Variants in CTNNA2 observed in about 807,000 individuals in gnomAD.
CTNNA2 encodes the protein catenin alpha-2.
In CTNNA2, 42 loss-of-function variants were observed where a neutral mutation model predicts 101.0. The ratio of observed to expected loss-of-function variants is 0.42; its 90% CI spans 0.32 to 0.54. The LOEUF (loss-of-function observed/expected upper bound fraction) is 0.54, where lower values mean the gene tolerates loss of function less well. Ranked by LOEUF, CTNNA2 falls within the 20% of genes least tolerant of loss-of-function variation. The pLI is 0.14. For missense variants in CTNNA2, 871 were observed against 1,223.1 expected, an observed-to-expected ratio of 0.71 and a Z score of 4.29; for synonymous variants, 450 against 456.4, an observed-to-expected ratio of 0.99 and a Z score of 0.18.
At chr2:80,478,663 C>T (rs965727281) in intron 9 of CTNNA2, among the ~76,000 whole-genome samples, 4 of 151,980 alleles carry the variant, frequency 2.6e-5, no homozygotes, top group Admixed American at 1.3e-4. Context: ...TTCTTGTATG[C>T]TTTGTTAAGG....
chr2:79,650,455 G>T (rs922973835), intron 1 of CTNNA2, among the ~76,000 whole-genome samples: 1 of 151,766 alleles, frequency 6.6e-6, no homozygotes, highest in African/African-American at 2.4e-5. Context: ...ATATTCTCAG[G>T]GGTCAGTTAT....
At chr2:80,502,916 C>T (rs1687986858) in intron 9 of CTNNA2, among the ~76,000 whole-genome samples, 1 of 152,184 alleles carries the variant, frequency 6.6e-6, no homozygotes, top group African/African-American at 2.4e-5. Flanking sequence ...CCTGTAATCC[C>T]AGCACTTTGG....
chr2:80,084,491 A>G (rs1158832811), intron 7 of CTNNA2, among the ~76,000 whole-genome samples: 1 of 152,078 alleles, frequency 6.6e-6, no homozygotes, highest in African/African-American at 2.4e-5. Flanking sequence ...GGCTCATTAT[A>G]TATGACAGTA....
intron 2 of CTNNA2, among the ~76,000 whole-genome samples, chr2:79,711,588 T>C (rs933793243): frequency 2.0e-5 from 3 of 152,100 alleles, no homozygotes; most frequent in Non-Finnish European, 4.4e-5. Flanking sequence ...TTGTTGCAAA[T>C]AAGAATTGGA....
intron 1 of CTNNA2, among the ~76,000 whole-genome samples, chr2:79,566,066 C>T (rs1008140292): frequency 6.6e-6 from 1 of 151,976 alleles, no homozygotes; most frequent in Non-Finnish European, 1.5e-5. Flanking sequence ...ATCCAGAAGT[C>T]TGTGGGCAAT....
intron 1 of CTNNA2, among the ~76,000 whole-genome samples, chr2:79,562,540 G>A (rs1007284681): frequency 6.6e-6 from 1 of 151,896 alleles, no homozygotes; most frequent in Non-Finnish European, 1.5e-5. Context: ...CCTACAATCT[G>A]TTTGAACAGA....
intron 7 of CTNNA2, among the ~76,000 whole-genome samples, chr2:80,236,045 A>G (rs1016649181): frequency 6.6e-6 from 1 of 152,158 alleles, no homozygotes; most frequent in Non-Finnish European, 1.5e-5. Flanking sequence ...CCCACTTATA[A>G]GTGAGAACAT....
chr2:80,526,466 G>A (rs561750443), intron 9 of CTNNA2, among the ~76,000 whole-genome samples: 1 of 152,062 alleles, frequency 6.6e-6, no homozygotes, highest in African/African-American at 2.4e-5. Flanking sequence ...CCAAAGTCCT[G>A]AGATTACAGA....
intron 7 of CTNNA2, among the ~76,000 whole-genome samples, chr2:80,319,836 G>A (rs942198670): frequency 6.6e-6 from 1 of 152,202 alleles, no homozygotes; most frequent in East Asian, 1.9e-4. Flanking sequence ...AATATTTGAT[G>A]TTCTGTATAA....
Position 79,242,993 on chromosome 2 carries a change from TACACAC to T in CTNNA2, c.-406+44948_-406+44953del, listed in dbSNP as rs1161415099. Among the ~76,000 whole-genome samples the T allele has an allele frequency of 9.4e-5, 11 of 116,724 alleles. 1 individual carries two copies. The highest frequency in any genetic ancestry group is 1.8e-4 in the Non-Finnish European group (10 of 56,764). 76.6% of individuals were successfully genotyped at this position (116,724 alleles called of 152,430 possible). A position where few individuals can be genotyped will look rare whatever the true frequency, so the allele number is the denominator to read the frequency against. ...AAATATATATATATATATATATATA[TACACAC>T]ACACACACACACACACACACACACA... On this transcript the variant is annotated intron_variant, in intron 2 of 21. Transcript: ENST00000466387.
At chr2:79,546,326 G>A (rs1356662045) in intron 1 of CTNNA2, among the ~76,000 whole-genome samples, 1 of 152,088 alleles carries the variant, frequency 6.6e-6, no homozygotes, top group African/African-American at 2.4e-5. Context: ...TCTTAGAGCA[G>A]AACTGTAACT....
intron 6 of CTNNA2, among the ~76,000 whole-genome samples, chr2:79,883,297 A>G (rs1683589507): frequency 6.6e-6 from 1 of 152,238 alleles, no homozygotes; most frequent in African/African-American, 2.4e-5. Flanking sequence ...GTCTAAAATT[A>G]CAGGATTGAT....
chr2:80,027,632 T>G (rs902795518), intron 7 of CTNNA2, among the ~76,000 whole-genome samples: 2 of 152,096 alleles, frequency 1.3e-5, no homozygotes, highest in South Asian at 2.1e-4. Flanking sequence ...CTGGATTCTT[T>G]TCTATCAGAT....
intron 2 of CTNNA2, among the ~76,000 whole-genome samples, chr2:79,251,304 G>A (rs893869206): frequency 7.2e-5 from 11 of 152,134 alleles, no homozygotes; most frequent in African/African-American, 2.7e-4. Context: ...CTGCTGCAGG[G>A]TCTCCCTACT....
At chr2:79,230,886 A>G (rs1416313705) in intron 2 of CTNNA2, among the ~76,000 whole-genome samples, 1 of 152,204 alleles carries the variant, frequency 6.6e-6, no homozygotes, top group Non-Finnish European at 1.5e-5. Flanking sequence ...GCCTTGTTGG[A>G]TTTCAGATTT....
intron 7 of CTNNA2, among the ~76,000 whole-genome samples, chr2:80,382,785 T>A (rs1676635863): frequency 1.3e-5 from 2 of 152,234 alleles, no homozygotes; most frequent in Non-Finnish European, 2.9e-5. Flanking sequence ...TTTGAGATGG[T>A]AGAAAAATGC....
At chr2:80,511,463 G>C (rs13416046) in intron 9 of CTNNA2, among the ~76,000 whole-genome samples, 1 of 152,154 alleles carries the variant, frequency 6.6e-6, no homozygotes, top group South Asian at 2.1e-4. Context: ...TTCTATCCCA[G>C]TGTAGGGAGT....
chr2:79,232,880 G>A (rs1035866154), intron 2 of CTNNA2, among the ~76,000 whole-genome samples: 1 of 152,090 alleles, frequency 6.6e-6, no homozygotes, highest in African/African-American at 2.4e-5. Context: ...GGAATTGGTT[G>A]TAATGTTGTC....
At chr2:79,432,263 G>C (rs2104510975) in intron 4 of CTNNA2, among the ~76,000 whole-genome samples, 1 of 152,128 alleles carries the variant, frequency 6.6e-6, no homozygotes, top group East Asian at 1.9e-4. Flanking sequence ...CAGTATGTAT[G>C]GTTATCATGA....
Sources: allele counts gnomAD v4.1 joint callset (sites outside exome capture counted in the v4.1 genomes callset), GRCh38; gene constraint gnomAD v4.1.1; transcripts MANE v1.5; gene names NCBI Gene and HGNC (gene_info 2026-07-23, HGNC 2026-07-21).